CCDC102B: variants seen among roughly 807,000 people sequenced by gnomAD.
CCDC102B encodes coiled-coil domain containing 102B.
In CCDC102B, 75 loss-of-function variants were observed where a neutral mutation model predicts 57.4. That is an observed-to-expected ratio of 1.31 (90% CI 1.08 to 1.58). The LOEUF is 1.58. Among genes scored for constraint, CCDC102B ranks in the 40% most tolerant of loss-of-function variants. CCDC102B has a pLI of 0.00. For missense variants in CCDC102B, 636 were observed against 582.6 expected, an observed-to-expected ratio of 1.09 and a Z score of -0.94; for synonymous variants, 206 against 201.9, an observed-to-expected ratio of 1.02 and a Z score of -0.17.
In CCDC102B at chr18:68,838,885, G is replaced by A. The variant is rs1198914106; in HGVS notation, c.786G>A (p.Val262=). ...NEVTEISALQ[V]HLDEFQKILW... is the part of the protein sequence containing the mutation. The stretch of plus-strand genomic sequence containing the variant: ...TAACTGAAATTTCAGCTTTGCAGGT[G>A]CATTTGGATGAATTCCAAAAAATCT... Residue 262 remains valine (V), a synonymous_variant, in exon 3 of 8, where the codon GTG becomes GTA. Coordinates refer to ENST00000360242, the MANE Select transcript of CCDC102B (RefSeq NM_024781.3). 1.4e-5 allele frequency: 22 copies of A among 1,613,802 alleles called. No homozygotes were observed. The highest frequency in any genetic ancestry group is 1.9e-5 in the Non-Finnish European group (22 of 1,179,948).
In CCDC102B at chr18:68,864,687, C is replaced by T. The variant is rs958477228; in HGVS notation, c.937-9982C>T. On this transcript the variant is annotated intron_variant, in intron 4 of 7. Coordinates refer to ENST00000360242, the MANE Select transcript of CCDC102B (RefSeq NM_024781.3). ...TGAAACATTATTTTTATCCTTCTGT[C>T]CTTAAAAAGATCATATATGATTCAA... 2.0e-5 allele frequency among the ~76,000 whole-genome samples: 3 copies of T among 151,954 alleles called. No homozygotes were observed. In the East Asian group the frequency reaches 5.8e-4, roughly 29 times the overall value.
At chr18:68,964,991 C>A (rs1427105668) in intron 6 of CCDC102B, among the ~76,000 whole-genome samples, 1 of 151,980 alleles carries the variant, frequency 6.6e-6, no homozygotes, top group Non-Finnish European at 1.5e-5. Context: ...GGGTTATTTT[C>A]TCTGACTGCT....
At chr18:68,730,429 G>A (rs1024400212) in intron 2 of CCDC102B, among the ~76,000 whole-genome samples, 7 of 152,042 alleles carry the variant, frequency 4.6e-5, no homozygotes, top group African/African-American at 1.7e-4. Context: ...TAGTCCAAGA[G>A]GATCACTTAG....
At chr18:69,036,488 G>C (rs1167415103) in intron 7 of CCDC102B, among the ~76,000 whole-genome samples, 2 of 152,040 alleles carry the variant, frequency 1.3e-5, no homozygotes, top group Non-Finnish European at 2.9e-5. Flanking sequence ...GATTCATCTG[G>C]CATACCTAAA....
intron 2 of CCDC102B, among the ~76,000 whole-genome samples, chr18:68,762,696 C>G (rs904861921): frequency 6.6e-6 from 1 of 152,082 alleles, no homozygotes; most frequent in South Asian, 2.1e-4. Flanking sequence ...AAGAAACAAC[C>G]TACCTGTGAT....
At chr18:69,005,978 A>G (rs188773415) in intron 6 of CCDC102B, among the ~76,000 whole-genome samples, 1 of 152,164 alleles carries the variant, frequency 6.6e-6, no homozygotes, top group African/African-American at 2.4e-5. Flanking sequence ...ATATATTTTT[A>G]TACATATTTT....
chr18:68,947,120 C>A (rs975623061), intron 6 of CCDC102B, among the ~76,000 whole-genome samples: 25 of 151,998 alleles, frequency 1.6e-4, no homozygotes, highest in African/African-American at 6.0e-4. Flanking sequence ...ATGGGTGTGA[C>A]ATTTTTATGT....
At chr18:68,884,805 A>T (rs2039824245) in intron 5 of CCDC102B, among the ~76,000 whole-genome samples, 1 of 150,622 alleles carries the variant, frequency 6.6e-6, no homozygotes, top group Non-Finnish European at 1.5e-5. Flanking sequence ...AAGATGAGAA[A>T]TACATGGTAA....
At chr18:68,805,801 T>C (rs368573341) in intron 1 of CCDC102B, among the ~76,000 whole-genome samples, 1 of 152,182 alleles carries the variant, frequency 6.6e-6, no homozygotes, top group Admixed American at 6.5e-5. Flanking sequence ...TGAAATACTT[T>C]GGACATGAAA....
In CCDC102B at chr18:68,883,192, G is replaced by A. The variant is rs1469806218; in HGVS notation, c.1053+8407G>A. On this transcript the variant is annotated intron_variant, in intron 5 of 7. Coordinates refer to ENST00000360242, the MANE Select transcript of CCDC102B (RefSeq NM_024781.3). ...CTCCAGCACTTTGGGAGGCTGAGGC[G>A]GATGGATCATGAGGTCAGGAGTTGG... 3.9e-5 allele frequency among the ~76,000 whole-genome samples: 6 copies of A among 152,024 alleles called. 1 individual carries two copies. The highest frequency in any genetic ancestry group is 4.2e-4 in the South Asian group (2 of 4,812).
At chr18:68,974,828 A>G (rs2050391127) in intron 6 of CCDC102B, among the ~76,000 whole-genome samples, 2 of 152,108 alleles carry the variant, frequency 1.3e-5, no homozygotes, top group South Asian at 4.1e-4. Flanking sequence ...ATAAGATTTT[A>G]TGATCTACAG....
intron 7 of CCDC102B, among the ~76,000 whole-genome samples, chr18:69,022,207 AT>A (rs2051854773): frequency 2.0e-4 from 1 of 4,982 alleles, no homozygotes; most frequent in Non-Finnish European, 3.1e-3. Flanking sequence ...ATATATATAT[AT>A]ATATATATAT....
chr18:68,976,751 T>G (rs1009472941), intron 6 of CCDC102B, among the ~76,000 whole-genome samples: 3 of 152,038 alleles, frequency 2.0e-5, no homozygotes, highest in Non-Finnish European at 2.9e-5. Context: ...TACTTTAGTG[T>G]AGTTGAATGC....
At chr18:69,023,214 T>G (rs1298373528) in intron 7 of CCDC102B, among the ~76,000 whole-genome samples, 1 of 152,174 alleles carries the variant, frequency 6.6e-6, no homozygotes, top group Admixed American at 6.6e-5. Context: ...GGTTCATCAT[T>G]TAGCCTCAGT....
At chr18:68,854,258 A>C (rs1025108397) in intron 4 of CCDC102B, among the ~76,000 whole-genome samples, 1 of 151,434 alleles carries the variant, frequency 6.6e-6, no homozygotes, top group Non-Finnish European at 1.5e-5. Context: ...CCGCCACCAC[A>C]CCCGACTAAT....
intron 2 of CCDC102B, among the ~76,000 whole-genome samples, chr18:68,749,845 A>T (rs2033776748): frequency 6.6e-6 from 1 of 152,208 alleles, no homozygotes; most frequent in African/African-American, 2.4e-5. Flanking sequence ...AAACCTAGGC[A>T]ATACCATTCA....
chr18:68,946,703 G>A (rs531300710), intron 6 of CCDC102B, among the ~76,000 whole-genome samples: 14 of 152,038 alleles, frequency 9.2e-5, no homozygotes, highest in East Asian at 7.8e-4. Flanking sequence ...TTTCCATCTG[G>A]GGAATTGTCA....
chr18:68,971,746 C>G (rs886314506), intron 6 of CCDC102B, among the ~76,000 whole-genome samples: 1 of 152,068 alleles, frequency 6.6e-6, no homozygotes, highest in Non-Finnish European at 1.5e-5. Context: ...CTCTTTTATG[C>G]CCTCACAGAA....
In CCDC102B at chr18:68,813,181, T is replaced by TTC. The variant is rs142421359; in HGVS notation, c.-16+15020_-16+15021dup. Among the ~76,000 whole-genome samples the TTC allele has an allele frequency of 2.9e-3, 426 of 149,440 alleles. 1 individual carries two copies. Among genetic ancestry groups the TTC allele is most frequent in the African/African-American group, 7.5e-3 (307 of 40,940 alleles). ...TTGATAAATGTATGGCATTTCCCAC[T>TTC]TCTCTCTCTCTCTCTCTCTCTGTCT... On this transcript the variant is annotated intron_variant, in intron 1 of 7. Coordinates refer to ENST00000360242, the MANE Select transcript of CCDC102B (RefSeq NM_024781.3).
Sources: gnomAD v4.1 joint callset for allele counts (sites outside exome capture counted in the v4.1 genomes callset) on GRCh38, gnomAD v4.1.1 for gene constraint, MANE v1.5 for transcripts, NCBI Gene and HGNC (gene_info 2026-07-23, HGNC 2026-07-21) for gene names.